The following ARHGEF3 variants were observed in gnomAD, a reference collection of about 807,000 sequenced individuals.
ARHGEF3 encodes the protein 59.8 kDA protein.
In ARHGEF3, 28 loss-of-function variants were observed where a neutral mutation model predicts 63.2. That is an observed-to-expected ratio of 0.44 (90% CI 0.33 to 0.61). The LOEUF (loss-of-function observed/expected upper bound fraction) is 0.61, where lower values mean the gene tolerates loss of function less well. ARHGEF3 is among the 20% of genes least tolerant of loss of function. ARHGEF3 has a pLI of 0.03. For missense variants in ARHGEF3, 533 were observed against 659.3 expected (o/e 0.81, Z 2.10); for synonymous variants, 266 against 254.2 (o/e 1.05, Z -0.44).
intron 2 of ARHGEF3, among the ~76,000 whole-genome samples, chr3:57,025,342 A>C (rs11922193): frequency 0.48 from 72,661 of 151,968 alleles, 17,793 homozygotes; most frequent in African/African-American, 0.54. Context: ...TGACACAATG[A>C]TCCACGATTT....
intron 2 of ARHGEF3, among the ~76,000 whole-genome samples, chr3:56,965,806 G>A (rs921088159): frequency 6.6e-6 from 1 of 151,724 alleles, no homozygotes; most frequent in Non-Finnish European, 1.5e-5. Flanking sequence ...CTGCCACCAC[G>A]CTTGGCTAAT....
chr3:56,812,238 T>C (rs1365987919), intron 4 of ARHGEF3, among the ~76,000 whole-genome samples: 1 of 152,242 alleles, frequency 6.6e-6, no homozygotes, highest in Non-Finnish European at 1.5e-5. Flanking sequence ...CAGAATACTA[T>C]AGTGGGCTGT....
chr3:57,053,254 C>T (rs1579174353), intron 1 of ARHGEF3, among the ~76,000 whole-genome samples: 1 of 152,118 alleles, frequency 6.6e-6, no homozygotes, highest in South Asian at 2.1e-4. Flanking sequence ...TGATGGTTAG[C>T]GAGCGCTCAC....
intron 3 of ARHGEF3, among the ~76,000 whole-genome samples, chr3:56,892,836 C>A (rs921178347): frequency 6.6e-6 from 1 of 152,196 alleles, no homozygotes; most frequent in Non-Finnish European, 1.5e-5. Context: ...AGCCACAACA[C>A]CCCATGGGTT....
intron 4 of ARHGEF3, among the ~76,000 whole-genome samples, chr3:56,852,793 G>A (rs749399685): frequency 3.3e-5 from 5 of 152,084 alleles, no homozygotes; most frequent in Admixed American, 6.5e-5. Flanking sequence ...TTTCAGTTTC[G>A]GGCTGGGCTG....
At chr3:56,926,572 G>A (rs945301264) in intron 3 of ARHGEF3, among the ~76,000 whole-genome samples, 3 of 152,214 alleles carry the variant, frequency 2.0e-5, no homozygotes, top group Non-Finnish European at 4.4e-5. Context: ...TCCCTCTCCT[G>A]GCTGAGTAAG....
chr3:56,916,855 G>A (rs1020186620), intron 3 of ARHGEF3, among the ~76,000 whole-genome samples: 9 of 152,160 alleles, frequency 5.9e-5, no homozygotes, highest in Non-Finnish European at 8.8e-5. Flanking sequence ...AGCCCTGTCC[G>A]GGATACAGAG....
intron 1 of ARHGEF3, among the ~76,000 whole-genome samples, chr3:57,053,579 C>A (rs76688764): frequency 0.022 from 3,336 of 152,294 alleles, 134 homozygotes; most frequent in African/African-American, 0.076. Flanking sequence ...GATATTTATA[C>A]CCCAATGTGA....
chr3:57,027,947 A>G (rs1000840027), intron 2 of ARHGEF3, among the ~76,000 whole-genome samples: 1 of 152,134 alleles, frequency 6.6e-6, no homozygotes, highest in Non-Finnish European at 1.5e-5. Flanking sequence ...TTTTTCCCTC[A>G]TCATCACTGG....
intron 1 of ARHGEF3, among the ~76,000 whole-genome samples, chr3:56,798,668 G>T (rs1206286047): frequency 6.6e-6 from 1 of 151,922 alleles, no homozygotes; most frequent in Admixed American, 6.6e-5. Context: ...ATTTGATCAG[G>T]TGTTTAGCGC....
chr3:57,026,664 C>G (rs1217546895), intron 2 of ARHGEF3, among the ~76,000 whole-genome samples: 1 of 152,162 alleles, frequency 6.6e-6, no homozygotes, highest in Non-Finnish European at 1.5e-5. Flanking sequence ...GGGGAGCATC[C>G]TCTTCACCAG....
intron 2 of ARHGEF3, among the ~76,000 whole-genome samples, chr3:56,959,581 C>G (rs1700191043): frequency 6.6e-6 from 1 of 152,168 alleles, no homozygotes; most frequent in Non-Finnish European, 1.5e-5. Flanking sequence ...TCCCCTAAAA[C>G]ATGTGATGTC....
At chr3:56,896,493 G>A (rs2041306019) in intron 3 of ARHGEF3, among the ~76,000 whole-genome samples, 1 of 152,132 alleles carries the variant, frequency 6.6e-6, no homozygotes, top group Non-Finnish European at 1.5e-5. Context: ...TTAAAAAGGT[G>A]CCAACTATTC....
chr3:56,868,802 T>G (rs11923190), intron 4 of ARHGEF3, among the ~76,000 whole-genome samples: 66,645 of 152,024 alleles, frequency 0.44, 15,267 homozygotes, highest in Non-Finnish European at 0.51. Context: ...TAGATGCGCC[T>G]TCTCTGTGCT....
At chr3:56,992,465 G>C in intron 2 of ARHGEF3, among the ~76,000 whole-genome samples, 1 of 141,354 alleles carries the variant, frequency 7.1e-6, no homozygotes, top group Middle Eastern at 4.2e-3. Flanking sequence ...AGCCCCAGCT[G>C]TACCAACATT....
rs199747853 is a variant in ARHGEF3, at chr3:56,729,320, G to C, written c.1531C>G (p.Gln511Glu). The C allele has an allele frequency of 1.9e-6, 3 of 1,614,154 alleles. No individual in the cohort carries two copies. The highest frequency in any genetic ancestry group is 1.6e-4 in the Middle Eastern group (1 of 6,062). ...CTGTTTCCACAGGAAGAGTCTGTCT[G>C]TTCCATGCGCTCACAGTCGAGGCTG... ...EVSLDCERME[Q>E]TDSSCGNSRH... Residue 511 changes from glutamine to glutamate, a missense_variant, in exon 10 of 10, where the codon CAG (glutamine) becomes GAG (glutamate). By Grantham distance (29) the Gln-to-Glu change is conservative (BLOSUM62 2). Coordinates refer to ENST00000296315, the MANE Select transcript of ARHGEF3 (RefSeq NM_019555.3).
chr3:56,741,426 C>T (rs1181787689), intron 7 of ARHGEF3, among the ~76,000 whole-genome samples: 5 of 150,964 alleles, frequency 3.3e-5, no homozygotes, highest in African/African-American at 1.2e-4. Context: ...TCAGGTGATC[C>T]GCCTGCCTTG....
At chr3:56,870,843 T>C (rs2108222673) in intron 4 of ARHGEF3, among the ~76,000 whole-genome samples, 1 of 152,286 alleles carries the variant, frequency 6.6e-6, no homozygotes, top group African/African-American at 2.4e-5. Context: ...TTCCTCCTTT[T>C]GCTTTCGGAG....
chr3:57,008,866 C>T (rs1365013329), intron 2 of ARHGEF3, among the ~76,000 whole-genome samples: 1 of 152,216 alleles, frequency 6.6e-6, no homozygotes, highest in African/African-American at 2.4e-5. Flanking sequence ...GGTGGATTTT[C>T]AATTCCAGCT....
Sources: gnomAD v4.1 joint callset for allele counts (sites outside exome capture counted in the v4.1 genomes callset) on GRCh38, gnomAD v4.1.1 for gene constraint, MANE v1.5 for transcripts, NCBI Gene and HGNC (gene_info 2026-07-23, HGNC 2026-07-21) for gene names.